ACSM6: variants seen among roughly 807,000 people sequenced by gnomAD.
ACSM6 encodes acyl-coenzyme A synthetase ACSM6, mitochondrial.
A neutral mutation model predicts 51.1 loss-of-function variants in ACSM6; 35 were observed. The observed-to-expected ratio is 0.69, with a 90% CI of 0.52 to 0.91. The LOEUF is 0.91. ACSM6 is among the 40% of genes least tolerant of loss of function. The pLI is 0.00. For missense variants in ACSM6, 509 were observed against 584.1 expected (o/e 0.87, Z 1.32); for synonymous variants, 172 against 207.3 (o/e 0.83, Z 1.46).
At position 95,200,661 on chromosome 10, in the gene ACSM6, C is replaced by G. The variant is rs1000715248; in HGVS notation, c.193-1324C>G. On this transcript the variant is annotated intron_variant, in intron 2 of 10. Coordinates refer to ENST00000341686, the Ensembl canonical transcript of ACSM6. The stretch of plus-strand genomic sequence containing the variant: ...AACAGGTCAGAACAAAGTAGCAATT[C>G]TATGGGCTGCTCCAGGGTGGATGAG... 5.9e-5 allele frequency among the ~76,000 whole-genome samples: 9 copies of G among 151,688 alleles called. 1 individual carries two copies. The highest frequency in any genetic ancestry group is 1.3e-4 in the Non-Finnish European group (9 of 67,942).
intron 9 of ACSM6, 95 bp from the exon 10 acceptor site, chr10:95,225,195 G>T: frequency 1.1e-6 from 1 of 882,418 alleles, no homozygotes. Context: ...CATCTTAAAT[G>T]GGGGTAGAAA....
intron 3 of ACSM6, among the ~76,000 whole-genome samples, chr10:95,204,555 T>C (rs1470706046): frequency 6.6e-6 from 1 of 151,920 alleles, no homozygotes; most frequent in Non-Finnish European, 1.5e-5. Context: ...CTCTGTCTAT[T>C]TAAAAAAATA....
At chr10:95,208,729 C>T (rs1441886969) in intron 4 of ACSM6, among the ~76,000 whole-genome samples, 1 of 151,634 alleles carries the variant, frequency 6.6e-6, no homozygotes, top group East Asian at 1.9e-4. Flanking sequence ...CTTACTATAC[C>T]TAATTTATAA....
chr10:95,218,898 C>T (rs2034968530), intron 8 of ACSM6, among the ~76,000 whole-genome samples: 1 of 152,120 alleles, frequency 6.6e-6, no homozygotes, highest in South Asian at 2.1e-4. Context: ...AATTTGTTAG[C>T]ATGTAAACAC....
In ACSM6 at chr10:95,210,834, CT is replaced by C. The variant is rs113954745; in HGVS notation, c.755+42del. 2,360 of 1,588,170 alleles carry C rather than the reference CT, an allele frequency of 1.5e-3. 37 individuals are homozygous for C. In the African/African-American group the frequency reaches 0.028, roughly 19 times the overall value. ...AGCCTGTACAGGCCTGAAAGTTGTT[CT>C]CTTGCAGGTAAAGGGAGCTTCATGG... is the stretch of plus-strand genomic sequence containing the variant. On this transcript the variant is annotated intron_variant, in intron 5 of 10. Coordinates refer to ENST00000341686, the Ensembl canonical transcript of ACSM6.
chr10:95,210,412 T>C (rs1375759659), intron 4 of ACSM6, among the ~76,000 whole-genome samples: 1 of 152,142 alleles, frequency 6.6e-6, no homozygotes, highest in Non-Finnish European at 1.5e-5. Flanking sequence ...AAGAGGGTCT[T>C]TTACTGAGAA....
chr10:95,198,353 CA>C (rs2034756717), intron 2 of ACSM6, among the ~76,000 whole-genome samples: 1 of 152,052 alleles, frequency 6.6e-6, no homozygotes, highest in South Asian at 2.1e-4. Context: ...TATTATAGAA[CA>C]AAAATGAAAA....
intron 3 of ACSM6, among the ~76,000 whole-genome samples, chr10:95,202,715 G>T (rs1450014318): frequency 2.0e-5 from 3 of 151,852 alleles, no homozygotes; most frequent in African/African-American, 7.3e-5. Flanking sequence ...TCTGAGCTTA[G>T]AAGTTTGAGA....
intron 3 of ACSM6, among the ~76,000 whole-genome samples, chr10:95,205,543 T>G (rs2034831915): frequency 6.6e-6 from 1 of 152,122 alleles, no homozygotes; most frequent in Non-Finnish European, 1.5e-5. Context: ...CTCACCTCCA[T>G]CACCTTGGAG....
rs592127 is a variant in ACSM6 at position 95,201,340 on chromosome 10, T to C, written c.193-645T>C. ...TCCCCTCCAGCCTCCCCAATGTCTA[T>C]TATTTCCATCTTTATGTCCATATGT... On this transcript the variant is annotated intron_variant, in intron 2 of 10. Transcript: ENST00000341686. 8.3e-3 allele frequency: 3,242 copies of C among 390,662 alleles called. 87 individuals are homozygous for C. The highest frequency in any genetic ancestry group is 0.061 in the African/African-American group (2,937 of 48,388). The allele number at this position is 390,662 out of a possible 1,614,324, so 24.2% of individuals were successfully genotyped here. A position where few individuals can be genotyped will look rare whatever the true frequency, so the allele number is the denominator to read the frequency against.
At chr10:95,212,353 C>T (rs746554050) in intron 6 of ACSM6, among the ~76,000 whole-genome samples, 4 of 152,164 alleles carry the variant, frequency 2.6e-5, no homozygotes, top group Non-Finnish European at 5.9e-5. Context: ...TGGATTATTT[C>T]ATCTCCCCAA....
intron 9 of ACSM6, among the ~76,000 whole-genome samples, chr10:95,223,331 G>A (rs12777852): frequency 4.0e-5 from 6 of 151,834 alleles, no homozygotes; most frequent in African/African-American, 1.5e-4. Flanking sequence ...CTCAAAATGG[G>A]GTCATAGTAT....
In ACSM6 at chr10:95,208,933, T is replaced by TAAAAAAAAAAAAAAAAAAAA. The variant is rs34370150; in HGVS notation, c.611+1526_611+1545dup. On this transcript the variant is annotated intron_variant, in intron 4 of 10. Transcript: ENST00000341686. Reference sequence around the variant, plus strand: ...CAGTATTTCAGTGTCCAGGGATGTTTAAAAAAAAAAAAAAAAAAAAAAAAA... The same window carrying TAAAAAAAAAAAAAAAAAAAA: ...CAGTATTTCAGTGTCCAGGGATGTTTAAAAAAAAAAAAAAAAAAAAAAAAAAAAAAAAAAAAAAAAAAAAA... Among the ~76,000 whole-genome samples the TAAAAAAAAAAAAAAAAAAAA allele has an allele frequency of 1.2e-4, 4 of 33,920 alleles. 1 individual carries two copies. Among genetic ancestry groups the TAAAAAAAAAAAAAAAAAAAA allele is most frequent in the Non-Finnish European group, 2.2e-4 (4 of 18,348 alleles). The allele number at this position is 33,920 out of a possible 152,430, so 22.3% of individuals were successfully genotyped here. A position where few individuals can be genotyped will look rare whatever the true frequency, so the allele number is the denominator to read the frequency against.
At chr10:95,194,325 C>A in intron 1 of ACSM6, 22 bp downstream of exon 1, 1 of 653,462 alleles carries the variant, frequency 1.5e-6, no homozygotes, top group Non-Finnish European at 2.5e-6. Context: ...TGCTCATGGG[C>A]TTCTTCTCCA....
Position 95,194,451 on chromosome 10 carries a change from C to G in ACSM6, c.-21-14C>G. 1 of 1,539,772 alleles carries G rather than the reference C, an allele frequency of 6.5e-7. No homozygotes were observed. On this transcript the variant is annotated splice_polypyrimidine_tract_variant and intron_variant, in intron 1 of 10. Transcript: ENST00000341686. ...CTGCTCAATTACTCCCTGTCTTTTC[C>G]TCAATTTACCTAGGTGGTTCCCTGT...
chr10:95,195,985 C>A (rs543715935), intron 2 of ACSM6, among the ~76,000 whole-genome samples: 29 of 122,664 alleles, frequency 2.4e-4, no homozygotes, highest in African/African-American at 8.3e-4. Context: ...AGCTGTGCCC[C>A]CTCTTGGGGT....
chr10:95,217,796 A>C (rs695217), intron 8 of ACSM6, among the ~76,000 whole-genome samples: 47,171 of 152,138 alleles, frequency 0.31, 8,024 homozygotes, highest in Non-Finnish European at 0.39. Flanking sequence ...CATATGGCTC[A>C]GGAAACATCC....
At chr10:95,212,803 C>G in intron 6 of ACSM6, 55 bp from the exon 7 acceptor site, 1 of 1,389,062 alleles carries the variant, frequency 7.2e-7, no homozygotes, top group Non-Finnish European at 1.0e-6. Context: ...GCCACAGTCT[C>G]ACTGTCTCTC....
chr10:95,224,025 A>G (rs1049890672), intron 9 of ACSM6, among the ~76,000 whole-genome samples: 2 of 152,198 alleles, frequency 1.3e-5, no homozygotes, highest in African/African-American at 4.8e-5. Flanking sequence ...TCAAAAAATA[A>G]AATTAATAGA....
Sources: gnomAD v4.1 joint callset for allele counts (sites outside exome capture counted in the v4.1 genomes callset) on GRCh38, gnomAD v4.1.1 for gene constraint, MANE v1.5 for transcripts, NCBI Gene and HGNC (gene_info 2026-07-23, HGNC 2026-07-21) for gene names.